The following MMP8 variants were observed in gnomAD, a reference collection of about 807,000 sequenced individuals.
The protein encoded by MMP8 is matrix metallopeptidase 8.
Under a neutral mutation model 51.2 loss-of-function variants are expected in MMP8, and 67 were observed. The observed-to-expected ratio is 1.31, with a 90% confidence interval of 1.08 to 1.60. The LOEUF is 1.60. Ranked by LOEUF, MMP8 falls within the 40% of genes most tolerant of loss-of-function variation. MMP8 has a pLI of 0.00. For missense variants in MMP8, 654 were observed against 558.1 expected (o/e 1.17, Z -1.73); for synonymous variants, 225 against 191.0 (o/e 1.18, Z -1.47).
rs58774554 is a variant in MMP8, at chr11:102,714,762, T to TTATATA, written c.1037-59_1037-54dup. ...ATACGACTTTTCCATTTTTACAAAA[T>TTATATA]TATATATATATATATATATATATAT... On this transcript the variant is annotated intron_variant, in intron 7 of 9. Coordinates refer to ENST00000236826, the MANE Select transcript of MMP8 (RefSeq NM_002424.3). 609 of 176,550 alleles carry TTATATA rather than the reference T, an allele frequency of 3.4e-3. 6 individuals are homozygous for TTATATA. The highest frequency in any genetic ancestry group is 5.9e-3 in the East Asian group (23 of 3,920). 10.9% of individuals were successfully genotyped at this position (176,550 alleles called of 1,614,324 possible). A position where few individuals can be genotyped will look rare whatever the true frequency, so the allele number is the denominator to read the frequency against.
intron 2 of MMP8, 56 bp from the exon 3 acceptor site, chr11:102,721,818 C>G (rs1330055203): frequency 1.3e-6 from 2 of 1,581,848 alleles, no homozygotes; most frequent in Non-Finnish European, 8.6e-7. Context: ...AGTAGTCCAT[C>G]AACTGATGAG....
chr11:102,718,525 G>A lies in MMP8; in HGVS notation c.673C>T (p.Leu225Phe), dbSNP rs766476586. 6.2e-7 allele frequency: 1 copy of A among 1,613,934 alleles called. No homozygotes were observed. Among genetic ancestry groups the A allele is most frequent in the Non-Finnish European group, 8.5e-7 (1 of 1,179,902 alleles). The change falls in exon 5 of 10, where the codon CTC (leucine) becomes TTC (phenylalanine). Residue 225 changes from leucine to phenylalanine, a missense_variant. Coordinates refer to ENST00000236826, the MANE Select transcript of MMP8 (RefSeq NM_002424.3). The stretch of plus-strand genomic sequence containing the variant: ...GCACCAGGGTCAGAGGAGTGAGCGA[G>A]CCCCAAAGAATGGCCAAATTCATGA... ...AAHEFGHSLG[L>F]AHSSDPGALM...
rs1471474040 is a variant in MMP8 at position 102,718,572 on chromosome 11, T to C, written c.626A>G (p.Tyr209Cys). Residue 209 changes from tyrosine (Y) to cysteine (C), a missense_variant, in exon 5 of 10, where the codon TAC (tyrosine) becomes TGC (cysteine). Transcript: ENST00000236826. Reference protein sequence around the residue: ...EETWTNTSANYNLFLVAAHEF... With the variant: ...EETWTNTSANCNLFLVAAHEF... Reference sequence around the variant, plus strand: ...ATGAGCAGCAACAAGAAACAAGTTGTAATCTGAAATGCAAACACGGGTGGT... The same window carrying C: ...ATGAGCAGCAACAAGAAACAAGTTGCAATCTGAAATGCAAACACGGGTGGT... 2 of 1,613,810 alleles carry C rather than the reference T, an allele frequency of 1.2e-6. No individual in the cohort carries two copies. The highest frequency in any genetic ancestry group is 2.2e-5 in the East Asian group (1 of 44,872).
intron 1 of MMP8, chr11:102,723,565 G>A: frequency 2.2e-6 from 1 of 451,358 alleles, no homozygotes; most frequent in Non-Finnish European, 4.4e-6. Flanking sequence ...TAACATGGCA[G>A]AGAAACAAAA....
At chr11:102,714,096 C>A (rs1861209897) in intron 8 of MMP8, among the ~76,000 whole-genome samples, 2 of 151,944 alleles carry the variant, frequency 1.3e-5, no homozygotes, top group Non-Finnish European at 1.5e-5. Flanking sequence ...CTGTTATTAC[C>A]CAAAGTAAGC....
chr11:102,713,519 T>C lies in MMP8; in HGVS notation c.1295-62A>G. On this transcript the variant is annotated intron_variant, in intron 9 of 9. Coordinates refer to ENST00000236826, the MANE Select transcript of MMP8 (RefSeq NM_002424.3). ...ATAGAATATCTCAGATGTCTTCAGT[T>C]AGAAAACCCTGCCCCTGTTCCAACA... 3 of 1,352,590 alleles carry C rather than the reference T, an allele frequency of 2.2e-6. No homozygotes were observed. In the South Asian group the frequency reaches 3.7e-5, roughly 16 times the overall value. 83.8% of individuals were successfully genotyped at this position (1,352,590 alleles called of 1,614,324 possible). A position where few individuals can be genotyped will look rare whatever the true frequency, so the allele number is the denominator to read the frequency against.
At chr11:102,718,350 T>G in intron 5 of MMP8, 64 bp downstream of exon 5, 1 of 1,477,438 alleles carries the variant, frequency 6.8e-7, no homozygotes, top group South Asian at 1.2e-5. Flanking sequence ...ATATTCAGAT[T>G]CTGGGAGTGT....
rs1018996498 is a variant in MMP8, at chr11:102,722,600, A to G, written c.176T>C (p.Ile59Thr). The change falls in exon 2 of 10, where the codon ATC becomes ACC. Residue 59 changes from isoleucine to threonine, a missense_variant. Physicochemically the swap from Ile to Thr is moderately conservative, Grantham distance 89. Transcript: ENST00000236826. ...CTGCATTTCTTTAAGCTTTTCAACG[A>G]TCACATTAGTGCCATTCTTCCTTGT... ...QSTRKNGTNV[I>T]VEKLKEMQRF... 6 of 1,613,954 alleles carry G rather than the reference A, an allele frequency of 3.7e-6. No individual in the cohort carries two copies. Among genetic ancestry groups the G allele is most frequent in the Non-Finnish European group, 5.1e-6 (6 of 1,179,858 alleles).
At chr11:102,713,725 C>A in intron 9 of MMP8, 29 bp downstream of exon 9, 2 of 1,501,134 alleles carry the variant, frequency 1.3e-6, no homozygotes, top group South Asian at 1.2e-5. Context: ...ACAAACAACA[C>A]ATTTATTAGG....
In MMP8 at chr11:102,713,334, C is replaced by T; in HGVS notation, c.*14G>A. 6.4e-7 allele frequency: 1 copy of T among 1,568,858 alleles called. No individual in the cohort carries two copies. The highest frequency in any genetic ancestry group is 8.8e-7 in the Non-Finnish European group (1 of 1,139,452). On this transcript the variant is annotated 3_prime_UTR_variant, in exon 10 of 10. Coordinates refer to ENST00000236826, the MANE Select transcript of MMP8 (RefSeq NM_002424.3). The stretch of plus-strand genomic sequence containing the variant: ...AACATTCTGAAAGTGGATACAGCCA[C>T]ATTTGATTTTGCTTCAGCCATATCT...
chr11:102,721,809 G>C, intron 2 of MMP8, 47 bp from the exon 3 acceptor site: 1 of 1,597,730 alleles, frequency 6.3e-7, no homozygotes, highest in Non-Finnish European at 8.6e-7. Context: ...ATTTAGAACA[G>C]TAGTCCATCA....
At chr11:102,721,367 A>G (rs1414418148) in intron 4 of MMP8, 34 bp downstream of exon 4, 5 of 1,611,960 alleles carry the variant, frequency 3.1e-6, no homozygotes, top group Admixed American at 1.7e-5. Flanking sequence ...GTTAATTCAG[A>G]AGCTGTGTGT....
In MMP8 at chr11:102,713,107, A is replaced by G. The variant is rs1489331057; in HGVS notation, c.*241T>C. 2 of 382,652 alleles carry G rather than the reference A, an allele frequency of 5.2e-6. No homozygotes were observed. Among genetic ancestry groups the G allele is most frequent in the Non-Finnish European group, 9.4e-6 (2 of 212,014 alleles). 23.7% of individuals were successfully genotyped at this position (382,652 alleles called of 1,614,324 possible). A position where few individuals can be genotyped will look rare whatever the true frequency, so the allele number is the denominator to read the frequency against. On this transcript the variant is annotated 3_prime_UTR_variant, in exon 10 of 10. Coordinates refer to ENST00000236826, the MANE Select transcript of MMP8 (RefSeq NM_002424.3). ...AAATATTGAGGTGACAAAAAGGCTT[A>G]CTTTCCTTCTCTTTGATGGAATCAC...
At chr11:102,719,560 C>A (rs1861409756) in intron 4 of MMP8, among the ~76,000 whole-genome samples, 1 of 152,174 alleles carries the variant, frequency 6.6e-6, no homozygotes. Flanking sequence ...TAGTAAGTGA[C>A]AGATTGGGGT....
In MMP8 at chr11:102,713,800, G is replaced by A. The variant is rs747191851; in HGVS notation, c.1248C>T (p.Ala416=). 2 of 1,612,264 alleles carry A rather than the reference G, an allele frequency of 1.2e-6. No homozygotes were observed. Among genetic ancestry groups the A allele is most frequent in the Admixed American group, 3.3e-5 (2 of 59,798 alleles). ...EPGYPKSISG[A]FPGIESKVDA... is the part of the protein sequence containing the mutation. ...CAACTTTACTCTCTATTCCTGGAAAGGCACCTGATATGCTTTTGGGATAAC... is the reference window on the plus strand; with the variant it reads ...CAACTTTACTCTCTATTCCTGGAAAAGCACCTGATATGCTTTTGGGATAAC... The change falls in exon 9 of 10, where the codon GCC becomes GCT. Residue 416 remains alanine, a synonymous_variant. Transcript: ENST00000236826.
At chr11:102,719,481 TAAC>T (rs1861407731) in intron 4 of MMP8, among the ~76,000 whole-genome samples, 1 of 150,072 alleles carries the variant, frequency 6.7e-6, no homozygotes, top group African/African-American at 2.5e-5. Flanking sequence ...GAAGTTTTAT[TAAC>T]AATATTTTTA....
At position 102,721,650 on chromosome 11, in the gene MMP8, C is replaced by T; in HGVS notation, c.460G>A (p.Gly154Arg). The change falls in exon 3 of 10, where the codon GGA (glycine) becomes AGA (arginine). Residue 154 changes from glycine to arginine, a missense_variant. Transcript: ENST00000236826. ...SPLIFTRISQ[G>R]EADINIAFYQ... ...AAAGCAATGTTGATATCTGCCTCTCCCTGTGAGATCCTGGTGAAGATGAGA... is the reference window on the plus strand; with the variant it reads ...AAAGCAATGTTGATATCTGCCTCTCTCTGTGAGATCCTGGTGAAGATGAGA... 1.2e-6 allele frequency: 2 copies of T among 1,613,818 alleles called. No individual in the cohort carries two copies. Among genetic ancestry groups the T allele is most frequent in the Non-Finnish European group, 1.7e-6 (2 of 1,179,846 alleles).
In MMP8 at chr11:102,712,191, G is replaced by C. The variant is rs1861143167; in HGVS notation, c.*1157C>G. 2.0e-5 allele frequency: 3 copies of C among 152,140 alleles called. No individual in the cohort carries two copies. In the South Asian group the frequency reaches 6.2e-4, roughly 32 times the overall value. 9.4% of individuals were successfully genotyped at this position (152,140 alleles called of 1,614,324 possible). A position where few individuals can be genotyped will look rare whatever the true frequency, so the allele number is the denominator to read the frequency against. On this transcript the variant is annotated 3_prime_UTR_variant, in exon 10 of 10. Coordinates refer to ENST00000236826, the MANE Select transcript of MMP8 (RefSeq NM_002424.3). Reference sequence around the variant, plus strand: ...GTGTGTGCCCTCCTGAGTACCCCAGGAAATAGAAGTAAAGAACTGACGAAC... The same window carrying C: ...GTGTGTGCCCTCCTGAGTACCCCAGCAAATAGAAGTAAAGAACTGACGAAC...
rs1368663196 is a variant in MMP8, at chr11:102,718,415, A to T, written c.783T>A (p.Tyr261Ter). ...ATGACTCTCTTGAGAAGACCTTACC[A>T]TAGATGGCCTGAATGCCATCGATGT... is the stretch of plus-strand genomic sequence containing the variant. ...QDDIDGIQAI[Y>*]GLSSNPIQPT... Residue 261 changes from tyrosine to a stop codon, truncating the protein, a stop_gained and splice_region_variant, in exon 5 of 10, where the codon TAT becomes TAA. Coordinates refer to ENST00000236826, the MANE Select transcript of MMP8 (RefSeq NM_002424.3). LOFTEE classifies it high-confidence loss of function. 5 of 1,609,806 alleles carry T rather than the reference A, an allele frequency of 3.1e-6. No individual in the cohort carries two copies. Among genetic ancestry groups the T allele is most frequent in the African/African-American group, 1.3e-5 (1 of 74,836 alleles).
Sources: gnomAD v4.1 joint callset for allele counts (sites outside exome capture counted in the v4.1 genomes callset) on GRCh38, gnomAD v4.1.1 for gene constraint, MANE v1.5 for transcripts, NCBI Gene and HGNC (gene_info 2026-07-23, HGNC 2026-07-21) for gene names.